Variants in PTOV1 observed in about 807,000 individuals in gnomAD.
PTOV1 encodes PTOV1 extended AT-hook containing adaptor protein.
PTOV1 carries 20 observed loss-of-function variants against 58.0 expected under a neutral mutation model. The observed-to-expected ratio is 0.34, with a 90% confidence interval of 0.24 to 0.50. PTOV1 has a LOEUF of 0.50. Ranked by LOEUF, PTOV1 falls within the 20% of genes least tolerant of loss-of-function variation. The pLI is 0.98. For synonymous variants in PTOV1, 335 were observed against 234.2 expected, an observed-to-expected ratio of 1.43 and a Z score of -3.93; for missense variants, 593 against 565.4, an observed-to-expected ratio of 1.05 and a Z score of -0.50.
At chr19:49,858,309 C>G in intron 9 of PTOV1, 195 bp downstream of exon 9, 1 of 795,606 alleles carries the variant, frequency 1.3e-6, no homozygotes, top group South Asian at 1.8e-5. Flanking sequence ...GGTGGCTGTG[C>G]AGGGACTGAG....
At chr19:49,858,952 C>A in intron 10 of PTOV1, 1 of 282,668 alleles carries the variant, frequency 3.5e-6, no homozygotes, top group Non-Finnish European at 6.7e-6. Context: ...CCTGGTTTCC[C>A]GGGAGCTTGT....
At chr19:49,858,772 G>A in intron 10 of PTOV1, 119 bp downstream of exon 10, 1 of 874,386 alleles carries the variant, frequency 1.1e-6, no homozygotes, top group East Asian at 2.7e-5. Context: ...GCTGGGGAGA[G>A]AGGGTGGCTA....
At chr19:49,852,024 C>T (rs1210381806) in intron 1 of PTOV1, 5 of 985,400 alleles carry the variant, frequency 5.1e-6, no homozygotes, top group African/African-American at 1.7e-5. Context: ...CTTTGATGGA[C>T]TGCCGTGAGC....
chr19:49,857,491 C>T (rs2074526714), intron 6 of PTOV1: 1 of 633,176 alleles, frequency 1.6e-6, no homozygotes, highest in Non-Finnish European at 2.8e-6. Flanking sequence ...CAGGTGAGGG[C>T]CGGGACCTGT....
rs2122205589 is a variant in PTOV1 at position 49,854,959 on chromosome 19, G to T, written c.451-11G>T. On this transcript the variant is annotated splice_polypyrimidine_tract_variant and intron_variant, in intron 4 of 11. Transcript: ENST00000391842. ...CCTGGCTGACCCAGCTGTCTGTCCTGTCGCCCCCAGACCACCCTGGGCCCC... is the reference window on the plus strand; with the variant it reads ...CCTGGCTGACCCAGCTGTCTGTCCTTTCGCCCCCAGACCACCCTGGGCCCC... The T allele has an allele frequency of 6.3e-7, 1 of 1,590,404 alleles. No individual in the cohort carries two copies. The highest frequency in any genetic ancestry group is 8.5e-7 in the Non-Finnish European group (1 of 1,171,892).
At chr19:49,852,923 C>T (rs77633999) in intron 1 of PTOV1, 60 of 152,312 alleles carry the variant, frequency 3.9e-4, no homozygotes, top group African/African-American at 1.2e-3. Flanking sequence ...GCTGGATGTC[C>T]GGTATGGTGC....
intron 5 of PTOV1, chr19:49,855,363 G>C (rs2074417877): frequency 8.4e-6 from 4 of 476,130 alleles, no homozygotes; most frequent in Non-Finnish European, 1.5e-5. Context: ...CCCTGTTGGG[G>C]CCCAGGAGCC....
intron 9 of PTOV1, 188 bp from the exon 10 acceptor site, chr19:49,858,361 A>G (rs960716336): frequency 3.7e-5 from 25 of 680,218 alleles, no homozygotes; most frequent in Non-Finnish European, 5.7e-5. Flanking sequence ...GGGGCTGCCA[A>G]GGGATCTGAG....
chr19:49,853,644 G>A (rs1012331532), intron 1 of PTOV1, among the ~76,000 whole-genome samples: 1 of 152,140 alleles, frequency 6.6e-6, no homozygotes, highest in Non-Finnish European at 1.5e-5. Flanking sequence ...AAAATAGTGG[G>A]GAGAGTGCCT....
At chr19:49,851,154 G>A (rs1443368479), upstream of PTOV1, 4 of 1,261,002 alleles carry the variant, frequency 3.2e-6, no homozygotes, top group Non-Finnish European at 4.0e-6. Flanking sequence ...TCCCCCGCTC[G>A]CCTCAGTGGT....
At chr19:49,851,411 T>A in exon 1 of PTOV1, 1 of 1,197,796 alleles carries the variant, frequency 8.3e-7, no homozygotes, top group South Asian at 4.1e-5. Flanking sequence ...CGGCCCCTCG[T>A]GGTGCGCGCC....
intron 1 of PTOV1, chr19:49,853,142 T>C (rs1323457777): frequency 6.6e-6 from 1 of 152,218 alleles, no homozygotes; most frequent in African/African-American, 2.4e-5. Context: ...CAAAATAAAA[T>C]TTTTTGTGTT....
In PTOV1 at chr19:49,851,998, G is replaced by T. The variant is rs112503855; in HGVS notation, c.171+499G>T. The stretch of plus-strand genomic sequence containing the variant: ...GTGCGCACCTAGAATACGCGCCCGC[G>T]CCCACATGTGGGATGCTTTGATGGA... On this transcript the variant is annotated intron_variant, in intron 1 of 11. Coordinates refer to ENST00000391842, the Ensembl canonical transcript of PTOV1. 40 of 985,496 alleles carry T rather than the reference G, an allele frequency of 4.1e-5. No homozygotes were observed. In the African/African-American group the frequency reaches 5.8e-4, roughly 14 times the overall value. 61.0% of individuals were successfully genotyped at this position (985,496 alleles called of 1,614,324 possible).
intron 1 of PTOV1, chr19:49,851,734 G>A (rs111519423): frequency 5.4e-6 from 6 of 1,119,816 alleles, no homozygotes; most frequent in East Asian, 4.7e-5. Context: ...GGCGGGGCGG[G>A]CTCATATTAC....
chr19:49,854,806 CT>C (rs745679865), intron 3 of PTOV1, 24 bp from the exon 4 acceptor site: 2 of 1,613,376 alleles, frequency 1.2e-6, no homozygotes, highest in Non-Finnish European at 1.7e-6. Flanking sequence ...CAGGGCAGCC[CT>C]TTCTGACCAG....
chr19:49,855,324 G>C (rs1006551781), intron 5 of PTOV1: 1 of 538,634 alleles, frequency 1.9e-6, no homozygotes, highest in Non-Finnish European at 3.4e-6. Context: ...GGCCCTGGGG[G>C]CGTGAGTGCA....
exon 12 of PTOV1, chr19:49,860,362 G>A: frequency 2.8e-6 from 4 of 1,448,650 alleles, no homozygotes; most frequent in African/African-American, 1.4e-5. Context: ...GTCATGTACA[G>A]GAGGGACCCT....
At chr19:49,858,156 C>G (rs1401569111) in intron 9 of PTOV1, 42 bp downstream of exon 9, 1 of 1,603,518 alleles carries the variant, frequency 6.2e-7, no homozygotes, top group African/African-American at 1.3e-5. Context: ...CACGCAGTAG[C>G]TCTTCCAGAG....
chr19:49,855,102 G>A, intron 5 of PTOV1, 25 bp downstream of exon 5: 1 of 1,547,942 alleles, frequency 6.5e-7, no homozygotes, highest in Non-Finnish European at 8.8e-7. Context: ...CTCCCTTGTA[G>A]CACTGTGGTG....
Sources: gnomAD v4.1 joint callset for allele counts (sites outside exome capture counted in the v4.1 genomes callset) on GRCh38, gnomAD v4.1.1 for gene constraint, MANE v1.5 for transcripts, NCBI Gene and HGNC (gene_info 2026-07-23, HGNC 2026-07-21) for gene names.